The following AK9 variants were observed in gnomAD, a reference collection of about 807,000 sequenced individuals.
The protein encoded by AK9 is adenylate kinase 9.
AK9 carries 191 observed loss-of-function variants against 239.6 expected under a neutral mutation model. The ratio of observed to expected loss-of-function variants is 0.80; its 90% CI spans 0.71 to 0.90. AK9 has a LOEUF of 0.90. AK9 is among the 40% of genes least tolerant of loss of function. AK9 has a pLI of 0.00. For missense variants in AK9, 1,995 were observed against 2,214.7 expected, an observed-to-expected ratio of 0.90 and a Z score of 1.99; for synonymous variants, 689 against 721.0, an observed-to-expected ratio of 0.96 and a Z score of 0.71.
intron 20 of AK9, among the ~76,000 whole-genome samples, chr6:109,576,875 G>A (rs1229155967): frequency 2.0e-5 from 3 of 150,050 alleles, no homozygotes; most frequent in Non-Finnish European, 4.4e-5. Context: ...CTGTCACCTA[G>A]GCTGGAGTGC....
chr6:109,605,439 AT>A (rs942201066), intron 17 of AK9, among the ~76,000 whole-genome samples: 1 of 150,572 alleles, frequency 6.6e-6, no homozygotes, highest in Non-Finnish European at 1.5e-5. Flanking sequence ...TTTTCTTGCT[AT>A]TTTTTTTTCA....
intron 24 of AK9, among the ~76,000 whole-genome samples, chr6:109,562,686 T>C (rs1264748902): frequency 1.3e-5 from 2 of 152,234 alleles, no homozygotes; most frequent in East Asian, 1.9e-4. Context: ...TAGGTCTAGT[T>C]ATTCCCCATT....
intron 12 of AK9, among the ~76,000 whole-genome samples, chr6:109,629,488 CAT>C (rs1344715924): frequency 2.6e-5 from 4 of 152,052 alleles, no homozygotes; most frequent in Non-Finnish European, 4.4e-5. Flanking sequence ...GTTACTGACA[CAT>C]GAGGAAGTTT....
intron 12 of AK9, among the ~76,000 whole-genome samples, chr6:109,624,968 AT>A (rs1193425428): frequency 6.6e-6 from 1 of 151,924 alleles, no homozygotes; most frequent in Non-Finnish European, 1.5e-5. Flanking sequence ...CATTTGTGTT[AT>A]ATTTTCTTTT....
chr6:109,611,901 T>C, intron 16 of AK9, 109 bp downstream of exon 16: 1 of 775,912 alleles, frequency 1.3e-6, no homozygotes, highest in Non-Finnish European at 2.1e-6. Flanking sequence ...AATCATGCTT[T>C]TATTTTTTTT....
intron 17 of AK9, among the ~76,000 whole-genome samples, chr6:109,598,190 A>T (rs1027997762): frequency 6.6e-6 from 1 of 151,868 alleles, no homozygotes; most frequent in Non-Finnish European, 1.5e-5. Context: ...CGTCATTTAC[A>T]TTAGGTATAT....
chr6:109,564,011 T>C (rs942203482), intron 23 of AK9, 69 bp downstream of exon 23: 1 of 1,408,964 alleles, frequency 7.1e-7, no homozygotes, highest in Admixed American at 2.4e-5. Context: ...AAGAAGGCTT[T>C]CAAGTTTCAA....
chr6:109,648,161 A>G (rs1180963565), intron 8 of AK9, among the ~76,000 whole-genome samples: 1 of 152,208 alleles, frequency 6.6e-6, no homozygotes, highest in Non-Finnish European at 1.5e-5. Flanking sequence ...TTGACACCCT[A>G]ACATCACAAT....
chr6:109,635,284 G>A (rs895340871), intron 10 of AK9, among the ~76,000 whole-genome samples: 12 of 152,190 alleles, frequency 7.9e-5, no homozygotes, highest in East Asian at 5.8e-4. Context: ...CTAAATATCT[G>A]TAGAGCAAAG....
At chr6:109,528,656 C>G (rs928117695) in intron 29 of AK9, 1 of 465,420 alleles carries the variant, frequency 2.1e-6, no homozygotes, top group Non-Finnish European at 4.3e-6. Context: ...GTCCTCTGTA[C>G]GGAAGTCCAG....
chr6:109,554,632 A>G (rs1784764102), intron 24 of AK9, among the ~76,000 whole-genome samples: 1 of 149,958 alleles, frequency 6.7e-6, no homozygotes. Flanking sequence ...CCCAGGCTCA[A>G]GCTATTCTCC....
intron 17 of AK9, among the ~76,000 whole-genome samples, chr6:109,601,709 A>T (rs1428991471): frequency 1.3e-5 from 2 of 152,020 alleles, no homozygotes; most frequent in Non-Finnish European, 2.9e-5. Context: ...ATTGTGTGGG[A>T]GTCTAAGTCT....
At position 109,497,906 on chromosome 6, in the gene AK9, A is replaced by G; in HGVS notation, c.5106T>C (p.Ser1702=). The G allele has an allele frequency of 6.2e-7, 1 of 1,614,118 alleles. No individual in the cohort carries two copies. Among genetic ancestry groups the G allele is most frequent in the Non-Finnish European group, 8.5e-7 (1 of 1,179,984 alleles). ...VPPLAPHPLP[S]ADMIPKRLTL... ...TCAGTCTTTTGGGGATCATGTCAGC[A>G]GATGGGAGTGGATGAGGTGCTAAGG... Residue 1702 remains serine (S), a synonymous_variant, in exon 37 of 41, where the codon TCT becomes TCC. Transcript: ENST00000424296.
intron 12 of AK9, among the ~76,000 whole-genome samples, chr6:109,625,591 C>T (rs1310497263): frequency 6.6e-6 from 1 of 152,108 alleles, no homozygotes; most frequent in Non-Finnish European, 1.5e-5. Context: ...ACTGCACATG[C>T]GAGGGATCTG....
rs768243634 is a variant in AK9, at chr6:109,659,341, T to C, written c.517A>G (p.Arg173Gly). 4 of 1,611,634 alleles carry C rather than the reference T, an allele frequency of 2.5e-6. No individual in the cohort carries two copies. In the South Asian group the frequency reaches 4.4e-5, roughly 18 times the overall value. The change falls in exon 7 of 41, where the codon AGA becomes GGA. Residue 173 changes from arginine (R) to glycine (G), a missense_variant. Around this residue, in one of 5 missense-constraint regions of AK9, gnomAD observed 252 missense variants for 246.4 expected, o/e 1.02. Transcript: ENST00000424296. ...ATGACTTCAGGATCCCACTGGTCTC[T>C]ACTGTATATGTATCCCGTATTATTG... is the stretch of plus-strand genomic sequence containing the variant. ...QHNNTGYIYS[R>G]DQWDPEVIEN...
intron 12 of AK9, among the ~76,000 whole-genome samples, chr6:109,622,843 GT>G (rs1409041588): frequency 6.6e-6 from 1 of 151,834 alleles, no homozygotes; most frequent in Non-Finnish European, 1.5e-5. Flanking sequence ...AGAATTGGCA[GT>G]TCAAAGGATA....
intron 27 of AK9, among the ~76,000 whole-genome samples, chr6:109,540,902 G>T (rs1166290151): frequency 6.6e-6 from 1 of 152,086 alleles, no homozygotes. Context: ...TTCTCCATCT[G>T]AATGCCCTTC....
intron 24 of AK9, among the ~76,000 whole-genome samples, chr6:109,551,054 A>G (rs1784295089): frequency 6.6e-6 from 1 of 152,168 alleles, no homozygotes; most frequent in Admixed American, 6.5e-5. Context: ...AAAAATAGAT[A>G]TATATTTAGG....
chr6:109,521,567 T>C (rs995503433), intron 29 of AK9, among the ~76,000 whole-genome samples: 2 of 152,072 alleles, frequency 1.3e-5, no homozygotes, highest in East Asian at 3.8e-4. Flanking sequence ...TGGAGATCAG[T>C]ATTTGGTGCT....
Sources: gnomAD v4.1 joint callset for allele counts (sites outside exome capture counted in the v4.1 genomes callset) on GRCh38, gnomAD v4.1.1 for gene constraint, gnomAD v4.1.1 regional missense constraint, MANE v1.5 for transcripts, NCBI Gene and HGNC (gene_info 2026-07-23, HGNC 2026-07-21) for gene names.